NCKAP5: variants seen among roughly 807,000 people sequenced by gnomAD.
NCKAP5 encodes NCK associated protein 5.
In NCKAP5, 92 loss-of-function variants were observed where a neutral mutation model predicts 167.0. That is an observed-to-expected ratio of 0.55 (90% confidence interval 0.47 to 0.66). The LOEUF (loss-of-function observed/expected upper bound fraction) is 0.66. Among genes scored for constraint, NCKAP5 ranks in the 30% least tolerant of loss-of-function variants. The pLI is 0.00. For synonymous variants in NCKAP5, 891 were observed against 877.4 expected (o/e 1.02, Z -0.27); for missense variants, 2,378 against 2,315.0 (o/e 1.03, Z -0.56).
At chr2:133,250,019 A>ATTATTATTATTT (rs1232329892) in intron 4 of NCKAP5, among the ~76,000 whole-genome samples, 1 of 147,272 alleles carries the variant, frequency 6.8e-6, no homozygotes, top group Non-Finnish European at 1.5e-5. Flanking sequence ...TATTATTATT[A>ATTATTATTATTT]TTATTATTAT....
chr2:132,717,804 T>C (rs976649573), intron 19 of NCKAP5, among the ~76,000 whole-genome samples: 3 of 152,220 alleles, frequency 2.0e-5, no homozygotes, highest in Non-Finnish European at 4.4e-5. Flanking sequence ...AATTGGGGCT[T>C]GATCAGCTGA....
intron 9 of NCKAP5, among the ~76,000 whole-genome samples, chr2:132,876,404 C>T (rs1408520880): frequency 1.3e-5 from 2 of 152,264 alleles, no homozygotes; most frequent in East Asian, 3.9e-4. Flanking sequence ...GTCTGAAAAA[C>T]ATTTTAAATT....
intron 3 of NCKAP5, among the ~76,000 whole-genome samples, chr2:133,429,704 C>T (rs1690038750): frequency 6.6e-6 from 1 of 151,990 alleles, no homozygotes; most frequent in African/African-American, 2.4e-5. Context: ...TTTTATTTAC[C>T]CAATCCACCG....
chr2:132,708,981 G>A (rs1688605849), intron 19 of NCKAP5, among the ~76,000 whole-genome samples: 1 of 151,870 alleles, frequency 6.6e-6, no homozygotes, highest in African/African-American at 2.4e-5. Flanking sequence ...TCTTCCCTCA[G>A]GTCAAGAAGG....
chr2:133,147,681 C>A (rs920391633), intron 5 of NCKAP5, among the ~76,000 whole-genome samples: 1 of 152,094 alleles, frequency 6.6e-6, no homozygotes, highest in Non-Finnish European at 1.5e-5. Context: ...CATCTACATT[C>A]CCAGCTAGTA....
At chr2:132,863,461 AAAAG>A (rs1690099182) in intron 10 of NCKAP5, among the ~76,000 whole-genome samples, 2 of 151,922 alleles carry the variant, frequency 1.3e-5, no homozygotes, top group Non-Finnish European at 2.9e-5. Context: ...AAAAAAAAAA[AAAAG>A]AAAAAGAAAG....
intron 16 of NCKAP5, among the ~76,000 whole-genome samples, chr2:132,765,110 C>T (rs564010786): frequency 3.3e-5 from 5 of 152,216 alleles, no homozygotes; most frequent in African/African-American, 1.2e-4. Context: ...TGACCAATTA[C>T]GTATTTATTC....
At chr2:133,607,655 G>A in the NCKAP5 span, among the ~76,000 whole-genome samples, 11,927 of 152,176 alleles carry the variant, frequency 0.078, 890 homozygotes, top group East Asian at 0.21. Flanking sequence ...GTATTTTAAT[G>A]CTACCAGAGT....
intron 6 of NCKAP5, among the ~76,000 whole-genome samples, chr2:133,111,009 G>C (rs972625044): frequency 6.6e-6 from 1 of 151,980 alleles, no homozygotes. Flanking sequence ...TGTTACAAAG[G>C]CACCATCAGT....
intron 19 of NCKAP5, among the ~76,000 whole-genome samples, chr2:132,676,164 A>G (rs1684435115): frequency 6.6e-6 from 1 of 152,126 alleles, no homozygotes; most frequent in Admixed American, 6.6e-5. Flanking sequence ...TTATATTTAA[A>G]ATTCACTTAC....
chr2:132,687,889 T>C (rs1258276334), intron 19 of NCKAP5, among the ~76,000 whole-genome samples: 1 of 152,176 alleles, frequency 6.6e-6, no homozygotes, highest in South Asian at 2.1e-4. Flanking sequence ...AAAGATCTCT[T>C]GTTGTGAGCC....
At chr2:133,188,101 G>T (rs910016924) in intron 5 of NCKAP5, among the ~76,000 whole-genome samples, 2 of 152,062 alleles carry the variant, frequency 1.3e-5, no homozygotes, top group African/African-American at 4.8e-5. Flanking sequence ...TGTTTTTGCA[G>T]TTGCTGGTAC....
intron 11 of NCKAP5, among the ~76,000 whole-genome samples, chr2:132,851,311 G>A (rs138683268): frequency 2.2e-3 from 336 of 152,270 alleles, no homozygotes; most frequent in Middle Eastern, 6.8e-3. Flanking sequence ...GATGGAAGTG[G>A]GGTGTGTCTT....
chr2:132,716,586 A>C (rs1412684422), intron 19 of NCKAP5, among the ~76,000 whole-genome samples: 1 of 151,568 alleles, frequency 6.6e-6, no homozygotes, highest in African/African-American at 2.4e-5. Context: ...GAGGGGGGTA[A>C]CACTGGGGGT....
At chr2:132,899,452 T>C (rs1693452278) in intron 8 of NCKAP5, among the ~76,000 whole-genome samples, 1 of 152,284 alleles carries the variant, frequency 6.6e-6, no homozygotes, top group Non-Finnish European at 1.5e-5. Context: ...CACTGTTAAA[T>C]TCCTTCAACA....
intron 3 of NCKAP5, among the ~76,000 whole-genome samples, chr2:133,468,164 C>G (rs1692745471): frequency 7.2e-6 from 1 of 138,252 alleles, no homozygotes; most frequent in African/African-American, 2.8e-5. Flanking sequence ...GTAAATTTCC[C>G]TCTACATACT....
intron 6 of NCKAP5, among the ~76,000 whole-genome samples, chr2:133,128,790 G>A (rs2082489437): frequency 6.6e-6 from 1 of 152,028 alleles, no homozygotes; most frequent in South Asian, 2.1e-4. Context: ...TAGAGATGAG[G>A]CTTTGCCATG....
chr2:132,816,242 A>G (rs905134434), intron 11 of NCKAP5, among the ~76,000 whole-genome samples: 1 of 152,134 alleles, frequency 6.6e-6, no homozygotes, highest in African/African-American at 2.4e-5. Context: ...GGCCCAGAGA[A>G]TCACCTCCAC....
At chr2:132,844,982 A>C (rs1366127326) in intron 11 of NCKAP5, among the ~76,000 whole-genome samples, 2 of 152,158 alleles carry the variant, frequency 1.3e-5, no homozygotes, top group African/African-American at 2.4e-5. Context: ...CTTATATATT[A>C]TCATCACACT....
Sources: gnomAD v4.1 joint callset for allele counts (sites outside exome capture counted in the v4.1 genomes callset) on GRCh38, gnomAD v4.1.1 for gene constraint, MANE v1.5 for transcripts, NCBI Gene and HGNC (gene_info 2026-07-23, HGNC 2026-07-21) for gene names.